Variants in RANBP9 observed in about 807,000 individuals in gnomAD.
The protein encoded by RANBP9 is ran-binding protein 9.
RANBP9 carries 15 observed loss-of-function variants against 84.3 expected under a neutral mutation model. The ratio of observed to expected loss-of-function variants is 0.18; its 90% CI spans 0.12 to 0.27. The LOEUF (loss-of-function observed/expected upper bound fraction) is 0.27, where lower values mean the gene tolerates loss of function less well. Among genes scored for constraint, RANBP9 ranks in the 10% least tolerant of loss-of-function variants. The pLI is 1.00. For synonymous variants in RANBP9, 392 were observed against 349.6 expected (o/e 1.12, Z -1.35); for missense variants, 809 against 912.8 (o/e 0.89, Z 1.46).
intron 2 of RANBP9, among the ~76,000 whole-genome samples, chr6:13,683,585 AG>A (rs1411925133): frequency 6.6e-6 from 1 of 152,158 alleles, no homozygotes; most frequent in African/African-American, 2.4e-5. Context: ...TAATGTTGAA[AG>A]CAGTTTTAAT....
chr6:13,702,435 C>G (rs1757998530), intron 1 of RANBP9, among the ~76,000 whole-genome samples: 2 of 152,160 alleles, frequency 1.3e-5, no homozygotes. Context: ...GTAGGCTAAT[C>G]AATTTTATTT....
At chr6:13,643,335 C>T (rs1419050526) in intron 6 of RANBP9, among the ~76,000 whole-genome samples, 1 of 152,172 alleles carries the variant, frequency 6.6e-6, no homozygotes, top group Admixed American at 6.5e-5. Context: ...ACTGGTGATG[C>T]AACAATATTA....
intron 12 of RANBP9, among the ~76,000 whole-genome samples, chr6:13,629,624 A>G (rs1477880631): frequency 6.6e-6 from 1 of 152,148 alleles, no homozygotes; most frequent in East Asian, 1.9e-4. Flanking sequence ...GGGTCCTTGC[A>G]GGCTGGGGCT....
chr6:13,657,239 A>G lies in RANBP9; in HGVS notation c.774T>C (p.Asp258=), dbSNP rs756581669. The change falls in exon 4 of 14, where the codon GAT becomes GAC. Residue 258 remains aspartate, a synonymous_variant. Transcript: ENST00000011619. ...DKHSYGYHGD[D]GHSFCSSGTG... ...TTCCAGAAGAACAAAACGAATGTCC[A>G]TCATCCCCATGGTAACCATATGAAT... 6.2e-7 allele frequency: 1 copy of G among 1,613,636 alleles called. No individual in the cohort carries two copies. The highest frequency in any genetic ancestry group is 2.2e-5 in the East Asian group (1 of 44,828).
intron 1 of RANBP9, among the ~76,000 whole-genome samples, chr6:13,703,464 C>T (rs1416995336): frequency 6.6e-6 from 1 of 152,310 alleles, no homozygotes; most frequent in South Asian, 2.1e-4. Flanking sequence ...TTGCCCCTAC[C>T]GAAAGAAGTG....
intron 10 of RANBP9, among the ~76,000 whole-genome samples, chr6:13,635,831 T>C: frequency 6.6e-6 from 1 of 151,382 alleles, no homozygotes; most frequent in Non-Finnish European, 1.5e-5. Flanking sequence ...TTTTGATAAC[T>C]CAGTTTAGTA....
intron 2 of RANBP9, among the ~76,000 whole-genome samples, chr6:13,667,403 A>G (rs924484251): frequency 6.6e-6 from 1 of 152,056 alleles, no homozygotes; most frequent in African/African-American, 2.4e-5. Flanking sequence ...TGCATCTTTG[A>G]TCTATTACAT....
chr6:13,633,244 C>T (rs1209449131), intron 11 of RANBP9, among the ~76,000 whole-genome samples: 1 of 152,186 alleles, frequency 6.6e-6, no homozygotes, highest in African/African-American at 2.4e-5. Context: ...CCATATTGGT[C>T]AGGCTGGTCT....
At chr6:13,679,730 T>C (rs1464032970) in intron 2 of RANBP9, among the ~76,000 whole-genome samples, 4 of 152,192 alleles carry the variant, frequency 2.6e-5, no homozygotes, top group African/African-American at 9.7e-5. Context: ...GAAACTGATT[T>C]ACATTTCAAT....
intron 2 of RANBP9, among the ~76,000 whole-genome samples, chr6:13,690,520 T>A (rs1766298408): frequency 1.3e-5 from 2 of 152,142 alleles, no homozygotes; most frequent in Admixed American, 1.3e-4. Context: ...AAGAGTGCAC[T>A]TTATTATCAG....
At chr6:13,663,151 G>A (rs1765571549) in intron 2 of RANBP9, among the ~76,000 whole-genome samples, 1 of 151,380 alleles carries the variant, frequency 6.6e-6, no homozygotes, top group African/African-American at 2.4e-5. Context: ...TAACAAAAAA[G>A]AAAAAAAGTG....
intron 12 of RANBP9, among the ~76,000 whole-genome samples, chr6:13,627,102 A>G (rs1764629884): frequency 6.6e-6 from 1 of 152,172 alleles, no homozygotes. Context: ...TGAAGATAAA[A>G]ATTATTTACT....
intron 2 of RANBP9, among the ~76,000 whole-genome samples, chr6:13,684,947 C>T (rs998399711): frequency 2.0e-5 from 3 of 152,150 alleles, no homozygotes; most frequent in Non-Finnish European, 4.4e-5. Context: ...ACCCCATATC[C>T]CACCTACTGG....
intron 2 of RANBP9, among the ~76,000 whole-genome samples, chr6:13,685,667 C>T (rs1420270464): frequency 1.3e-5 from 2 of 152,132 alleles, no homozygotes; most frequent in East Asian, 1.9e-4. Context: ...CGGTGGCTCA[C>T]ACCTGTAATC....
Position 13,622,233 on chromosome 6 carries a change from C to T in RANBP9, c.*129G>A. 1 of 925,666 alleles carries T rather than the reference C, an allele frequency of 1.1e-6. No homozygotes were observed. The highest frequency in any genetic ancestry group is 3.0e-4 in the Middle Eastern group (1 of 3,338). 57.3% of individuals were successfully genotyped at this position (925,666 alleles called of 1,614,324 possible). ...TTGCATCATGCTGTAAACTAGGAAG[C>T]AATGTAAAGCGACAAAAACCTGTCC... On this transcript the variant is annotated 3_prime_UTR_variant, in exon 14 of 14. Transcript: ENST00000011619.
At chr6:13,664,340 C>T (rs1490087659) in intron 2 of RANBP9, among the ~76,000 whole-genome samples, 1 of 152,120 alleles carries the variant, frequency 6.6e-6, no homozygotes, top group Non-Finnish European at 1.5e-5. Context: ...TTTGGGAAAT[C>T]TTAAAAGACG....
chr6:13,670,022 G>A (rs1345834403), intron 2 of RANBP9, among the ~76,000 whole-genome samples: 2 of 152,070 alleles, frequency 1.3e-5, no homozygotes, highest in African/African-American at 4.8e-5. Context: ...GGGCACAGTG[G>A]CTCAAGTCTA....
chr6:13,666,645 C>CATTGCCTG (rs1765656341), intron 2 of RANBP9, among the ~76,000 whole-genome samples: 1 of 131,618 alleles, frequency 7.6e-6, no homozygotes, highest in Non-Finnish European at 1.6e-5. Context: ...CAGGGTGGTG[C>CATTGCCTG]ATTGCCTGTA....
At chr6:13,642,709 C>G in intron 6 of RANBP9, 118 bp from the exon 7 acceptor site, 1 of 571,588 alleles carries the variant, frequency 1.7e-6, no homozygotes, top group South Asian at 3.1e-5. Context: ...TTCCTTGAAA[C>G]AAGGCGTTAA....
Sources: gnomAD v4.1 joint callset for allele counts (sites outside exome capture counted in the v4.1 genomes callset) on GRCh38, gnomAD v4.1.1 for gene constraint, MANE v1.5 for transcripts, NCBI Gene and HGNC (gene_info 2026-07-23, HGNC 2026-07-21) for gene names.